TSEN34: variants seen among roughly 807,000 people sequenced by gnomAD.
TSEN34 encodes the protein tRNA-splicing endonuclease subunit Sen34.
In TSEN34, 25 loss-of-function variants were observed where a neutral mutation model predicts 30.2. The observed-to-expected ratio is 0.83, with a 90% confidence interval of 0.60 to 1.16. The LOEUF (loss-of-function observed/expected upper bound fraction) is 1.16, where lower values mean the gene tolerates loss of function less well. Ranked by LOEUF, TSEN34 falls within the 50% of genes most tolerant of loss-of-function variation. The pLI is 0.00. For synonymous variants in TSEN34, 209 were observed against 177.4 expected, an observed-to-expected ratio of 1.18 and a Z score of -1.41; for missense variants, 475 against 411.9, an observed-to-expected ratio of 1.15 and a Z score of -1.33.
chr19:54,191,012 T>G (rs1056063302), upstream of TSEN34: 9 of 1,136,560 alleles, frequency 7.9e-6, no homozygotes, highest in African/African-American at 1.6e-5. Flanking sequence ...TGCGGAGGTT[T>G]GTTTTTCACG....
chr19:54,193,243 C>T lies in TSEN34; in HGVS notation c.814C>T (p.Gln272Ter), dbSNP rs1457973039. Residue 272 changes from glutamine to a stop codon, truncating the protein, a stop_gained, in exon 4 of 4, where the codon CAA (glutamine) becomes TAA (stop). Coordinates refer to ENST00000396388, the MANE Select transcript of TSEN34 (RefSeq NM_001077446.4). LOFTEE classifies it high-confidence loss of function. The stretch of plus-strand genomic sequence containing the variant: ...GGCCCCTGAGGACACCATCCCACTC[C>T]AAGACCTGGTTGCTGCTGGGCGCCT... ...CWAPEDTIPL[Q>*]DLVAAGRLGT... The T allele has an allele frequency of 6.2e-7, 1 of 1,613,988 alleles. No individual in the cohort carries two copies. Among genetic ancestry groups the T allele is most frequent in the Non-Finnish European group, 8.5e-7 (1 of 1,180,036 alleles).
intron 3 of TSEN34, among the ~76,000 whole-genome samples, chr19:54,192,816 C>G (rs2076757735): frequency 6.6e-6 from 1 of 152,068 alleles, no homozygotes; most frequent in South Asian, 2.1e-4. Flanking sequence ...ACCAGTCTGG[C>G]CAACATGGTG....
Position 54,192,380 on chromosome 19 carries a change from A to G in TSEN34, c.745+7A>G. On this transcript the variant is annotated splice_region_variant and intron_variant, in intron 3 of 3. Transcript: ENST00000396388. Reference sequence around the variant, plus strand: ...GACTTCCTGGTCTATCCTGGTGAGTATGGGTTGGGGCCTCTGGTTGCTGTG... The same window carrying G: ...GACTTCCTGGTCTATCCTGGTGAGTGTGGGTTGGGGCCTCTGGTTGCTGTG... The G allele has an allele frequency of 1.2e-6, 2 of 1,613,104 alleles. No homozygotes were observed. The highest frequency in any genetic ancestry group is 1.7e-6 in the Non-Finnish European group (2 of 1,179,752).
rs1235340517 is a variant in TSEN34, at chr19:54,191,323, G to A, written c.-42G>A. 6.5e-7 allele frequency: 1 copy of A among 1,547,946 alleles called. No individual in the cohort carries two copies. Among genetic ancestry groups the A allele is most frequent in the East Asian group, 2.4e-5 (1 of 40,848 alleles). On this transcript the variant is annotated 5_prime_UTR_variant, in exon 1 of 4. Coordinates refer to ENST00000396388, the MANE Select transcript of TSEN34 (RefSeq NM_001077446.4). ...GCGCTGCAGCGGTCCGCGGCGCGCA[G>A]CTGTTTCGGTAACTGCTTTGCCTCC...
In TSEN34 at chr19:54,191,473, C is replaced by T. The variant is rs763367373; in HGVS notation, c.109C>T (p.Pro37Ser). The change falls in exon 1 of 4, where the codon CCC (proline) becomes TCC (serine). Residue 37 changes from proline to serine, a missense_variant. By Grantham distance (74) the Pro-to-Ser change is moderately conservative. Transcript: ENST00000396388. The stretch of plus-strand genomic sequence containing the variant: ...GGGGGGCCGCACGGTAGGCGCCCTG[C>T]CCCGCGGGCCCCGCCAGAACTCGCG... ...GVGGRTVGAL[P>S]RGPRQNSRLG... 3.2e-6 allele frequency: 5 copies of T among 1,550,302 alleles called. No individual in the cohort carries two copies. In the South Asian group the frequency reaches 5.8e-5, roughly 18 times the overall value.
Position 54,191,847 on chromosome 19 carries a change from A to C in TSEN34, c.370A>C (p.Lys124Gln), listed in dbSNP as rs776731071. Residue 124 changes from lysine (K) to glutamine (Q), a missense_variant, in exon 2 of 4, where the codon AAG becomes CAG. Lys to Gln is a moderately conservative substitution (Grantham distance 53). Transcript: ENST00000396388. ...EKITEGQAAK[K>Q]QKLEQASGAS... is the part of the protein sequence containing the mutation. ...GATTACGGAGGGCCAGGCTGCTAAG[A>C]AGCAGAAACTAGAACAGGCTTCAGG... The C allele has an allele frequency of 1.9e-6, 3 of 1,614,080 alleles. No individual in the cohort carries two copies. The highest frequency in any genetic ancestry group is 1.1e-5 in the South Asian group (1 of 91,084).
rs1471434668 is a variant in TSEN34 at position 54,191,846 on chromosome 19, G to A, written c.369G>A (p.Lys123=). 7.4e-6 allele frequency: 12 copies of A among 1,614,188 alleles called. No individual in the cohort carries two copies. The highest frequency in any genetic ancestry group is 1.0e-5 in the Non-Finnish European group (12 of 1,180,030). Residue 123 remains lysine (K), a synonymous_variant, in exon 2 of 4, where the codon AAG becomes AAA. Coordinates refer to ENST00000396388, the MANE Select transcript of TSEN34 (RefSeq NM_001077446.4). ...LEKITEGQAA[K]KQKLEQASGA... ...AGATTACGGAGGGCCAGGCTGCTAA[G>A]AAGCAGAAACTAGAACAGGCTTCAG...
At chr19:54,190,934 G>A, upstream of TSEN34, 4 of 1,055,772 alleles carry the variant, frequency 3.8e-6, no homozygotes, top group Non-Finnish European at 4.6e-6. Flanking sequence ...AACACCCGAA[G>A]GGGGACGCCC....
chr19:54,191,785 AG>A lies in TSEN34; in HGVS notation c.310del (p.Ala104ProfsTer24), dbSNP rs750129817. 6.2e-7 allele frequency: 1 copy of A among 1,614,186 alleles called. No homozygotes were observed. Among genetic ancestry groups the A allele is most frequent in the Non-Finnish European group, 8.5e-7 (1 of 1,180,030 alleles). On this transcript the variant is annotated frameshift_variant, in exon 2 of 4. Coordinates refer to ENST00000396388, the MANE Select transcript of TSEN34 (RefSeq NM_001077446.4). LOFTEE classifies it high-confidence loss of function. Reference protein sequence around the residue: ...SFQEQSALAAEARETRRQELL... With the variant: ...SFQEQSALAAXARETRRQELL... ...CAGGAGCAGAGCGCCTTGGCAGCTG[AG>A]GCCCGGGAGACCCGTCGTCAGGAGC...
At chr19:54,190,297 G>A, upstream of TSEN34, 1 of 1,403,172 alleles carries the variant, frequency 7.1e-7, no homozygotes, top group South Asian at 1.2e-5. Flanking sequence ...GTCGGCATGA[G>A]GGGGTGGAGC....
At position 54,192,165 on chromosome 19, in the gene TSEN34, C is replaced by A. The variant is rs761432400; in HGVS notation, c.537C>A (p.Pro179=). 3.7e-6 allele frequency: 6 copies of A among 1,614,196 alleles called. No individual in the cohort carries two copies. The South Asian group carries it at 6.6e-5, about 18-fold the overall frequency. The part of the protein sequence containing the change: ...AGPSNGVAPL[P]RSALLVQLAT... ...CCTCAAATGGGGTAGCCCCCTTGCCCAGATCTGCTCTCCTTGTCCAGCTGG... is the reference window on the plus strand; with the variant it reads ...CCTCAAATGGGGTAGCCCCCTTGCCAAGATCTGCTCTCCTTGTCCAGCTGG... Residue 179 remains proline (P), a synonymous_variant, in exon 3 of 4, where the codon CCC becomes CCA. Coordinates refer to ENST00000396388, the MANE Select transcript of TSEN34 (RefSeq NM_001077446.4).
rs1361349256 is a variant in TSEN34 at position 54,194,386 on chromosome 19, A to T, written c.*1024A>T. ...ATTTATATTTTAGACTCTTTTTTGGATGTGTTATATTCTGCAATTTTTATA... is the reference window on the plus strand; with the variant it reads ...ATTTATATTTTAGACTCTTTTTTGGTTGTGTTATATTCTGCAATTTTTATA... On this transcript the variant is annotated 3_prime_UTR_variant, in exon 4 of 4. Transcript: ENST00000396388. The T allele has an allele frequency of 6.6e-6, 1 of 151,808 alleles. No homozygotes were observed. Among genetic ancestry groups the T allele is most frequent in the Admixed American group, 6.6e-5 (1 of 15,228 alleles). The allele number at this position is 151,808 out of a possible 1,614,324, so 9.4% of individuals were successfully genotyped here. A position where few individuals can be genotyped will look rare whatever the true frequency, so the allele number is the denominator to read the frequency against.
chr19:54,192,878 G>A (rs1441850242), intron 3 of TSEN34, among the ~76,000 whole-genome samples: 1 of 152,006 alleles, frequency 6.6e-6, no homozygotes, highest in Non-Finnish European at 1.5e-5. Context: ...GGTGGTGGGT[G>A]CCTGTATTTC....
chr19:54,191,102 C>G, upstream of TSEN34: 1 of 1,336,696 alleles, frequency 7.5e-7, no homozygotes, highest in Non-Finnish European at 9.5e-7. Context: ...AGAGCGGGAC[C>G]CTGGGGGCTT....
upstream of TSEN34, chr19:54,190,589 C>T: frequency 1.6e-6 from 2 of 1,243,390 alleles, no homozygotes; most frequent in Non-Finnish European, 2.0e-6. Flanking sequence ...GGCCGCGAGG[C>T]TGCCGGGAGC....
At chr19:54,190,451 G>A, upstream of TSEN34, 3 of 1,417,950 alleles carry the variant, frequency 2.1e-6, no homozygotes, top group African/African-American at 1.5e-5. Flanking sequence ...CCCAATTGGG[G>A]TGAGCCCGCC....
Position 54,192,338 on chromosome 19 carries a change from C to G in TSEN34, c.710C>G (p.Ala237Gly). The change falls in exon 3 of 4, where the codon GCT (alanine) becomes GGT (glycine). Residue 237 changes from alanine to glycine, a missense_variant. Ala to Gly is a moderately conservative substitution (Grantham distance 60, BLOSUM62 0). Transcript: ENST00000396388. The part of the protein sequence containing the change: ...LWERGFFLSA[A>G]GKFGGDFLVY... ...GAGCGAGGCTTCTTCCTCAGTGCGG[C>G]TGGCAAGTTCGGAGGTGACTTCCTG... The G allele has an allele frequency of 6.2e-7, 1 of 1,614,136 alleles. No homozygotes were observed.
In TSEN34 at chr19:54,193,884, C is replaced by A; in HGVS notation, c.*522C>A. The stretch of plus-strand genomic sequence containing the variant: ...TTTGAAAAGATTTCTATGAAATTTC[C>A]CAGATGCATACAAACGTTATAAATA... On this transcript the variant is annotated 3_prime_UTR_variant, in exon 4 of 4. Transcript: ENST00000396388. 1.7e-6 allele frequency: 1 copy of A among 587,220 alleles called. No homozygotes were observed. 36.4% of individuals were successfully genotyped at this position (587,220 alleles called of 1,614,324 possible).
intron 3 of TSEN34, among the ~76,000 whole-genome samples, 163 bp downstream of exon 3, chr19:54,192,536 C>A (rs371021168): frequency 2.6e-5 from 4 of 152,086 alleles, no homozygotes; most frequent in Non-Finnish European, 5.9e-5. Flanking sequence ...CCTCGGCCCC[C>A]CAAAGTGCTG....
Sources: allele counts gnomAD v4.1 joint callset (sites outside exome capture counted in the v4.1 genomes callset), GRCh38; gene constraint gnomAD v4.1.1; transcripts MANE v1.5; gene names NCBI Gene and HGNC (gene_info 2026-07-23, HGNC 2026-07-21).